Variants in ASIC2 observed in about 807,000 individuals in gnomAD.
The protein encoded by ASIC2 is acid-sensing ion channel 2.
ASIC2 carries 25 observed loss-of-function variants against 57.3 expected under a neutral mutation model. The ratio of observed to expected loss-of-function variants is 0.44; its 90% CI spans 0.32 to 0.61. ASIC2 has a LOEUF of 0.61. Ranked by LOEUF, ASIC2 falls within the 20% of genes least tolerant of loss-of-function variation. The pLI, the probability that ASIC2 is intolerant of heterozygous loss-of-function variation, is 0.06. For missense variants in ASIC2, 641 were observed against 738.1 expected (o/e 0.87, Z 1.52); for synonymous variants, 319 against 307.5 (o/e 1.04, Z -0.39).
intron 1 of ASIC2, among the ~76,000 whole-genome samples, chr17:33,321,960 C>T (rs1906889287): frequency 6.6e-6 from 1 of 152,196 alleles, no homozygotes; most frequent in African/African-American, 2.4e-5. Flanking sequence ...AACATCCAGT[C>T]TCAGTCTACC....
intron 1 of ASIC2, among the ~76,000 whole-genome samples, chr17:33,148,086 T>C (rs11650874): frequency 0.67 from 101,378 of 152,088 alleles, 34,783 homozygotes; most frequent in African/African-American, 0.83. Flanking sequence ...ATCCCTAAAA[T>C]GTAAAGTAAT....
chr17:33,140,759 T>TC (rs938202564), intron 1 of ASIC2, among the ~76,000 whole-genome samples: 29 of 152,348 alleles, frequency 1.9e-4, no homozygotes, highest in African/African-American at 6.7e-4. Context: ...GACCCACGGC[T>TC]CCCTGTGCAG....
intron 1 of ASIC2, among the ~76,000 whole-genome samples, chr17:34,112,310 A>G (rs1356908177): frequency 6.6e-6 from 1 of 152,194 alleles, no homozygotes; most frequent in Non-Finnish European, 1.5e-5. Context: ...AGTACCAACA[A>G]ATACTGAACT....
chr17:34,000,140 C>G (rs564980191), intron 1 of ASIC2, among the ~76,000 whole-genome samples: 1 of 151,472 alleles, frequency 6.6e-6, no homozygotes, highest in Non-Finnish European at 1.5e-5. Context: ...AATTGATACA[C>G]TTCTGGAGGT....
intron 1 of ASIC2, among the ~76,000 whole-genome samples, chr17:33,733,812 G>A (rs144918874): frequency 0.012 from 1,770 of 152,124 alleles, 17 homozygotes; most frequent in Non-Finnish European, 0.019. Flanking sequence ...GCTAAATCCC[G>A]ACCTGGCTAG....
At chr17:33,520,254 C>A (rs1914700119) in intron 1 of ASIC2, among the ~76,000 whole-genome samples, 1 of 152,124 alleles carries the variant, frequency 6.6e-6, no homozygotes, top group Non-Finnish European at 1.5e-5. Context: ...ACTGTCCAGG[C>A]AGAAAGGAAT....
chr17:33,196,904 T>C (rs1906652608), intron 1 of ASIC2, among the ~76,000 whole-genome samples: 1 of 152,338 alleles, frequency 6.6e-6, no homozygotes, highest in African/African-American at 2.4e-5. Context: ...GAATACATAC[T>C]GTAAATACCA....
At position 33,969,775 on chromosome 17, in the gene ASIC2, T is replaced by C. The variant is rs142609039; in HGVS notation, c.555+186203A>G. Among the ~76,000 whole-genome samples, 217 of 152,230 alleles carry C rather than the reference T, an allele frequency of 1.4e-3. 2 individuals carry two copies. The highest frequency in any genetic ancestry group is 5.0e-3 in the African/African-American group (207 of 41,532). On this transcript the variant is annotated intron_variant, in intron 1 of 9. Transcript: ENST00000359872. ...CTGCTTGTGGGCTGAGAAAAAGCCC[T>C]GGGGCAGAGAAGTGGAGAGTCCCAG... is the stretch of plus-strand genomic sequence containing the variant.
intron 3 of ASIC2, among the ~76,000 whole-genome samples, chr17:33,067,089 C>G (rs1359406905): frequency 6.6e-6 from 1 of 152,174 alleles, no homozygotes; most frequent in Non-Finnish European, 1.5e-5. Flanking sequence ...CTTTGGCGAG[C>G]ATGGCTCTCC....
At position 33,517,883 on chromosome 17, in the gene ASIC2, C is replaced by T. The variant is rs575099980; in HGVS notation, c.556-405816G>A. Among the ~76,000 whole-genome samples, 5 of 152,268 alleles carry T rather than the reference C, an allele frequency of 3.3e-5. No individual in the cohort carries two copies. The South Asian group carries it at 1.0e-3, about 32-fold the overall frequency. On this transcript the variant is annotated intron_variant, in intron 1 of 9. Coordinates refer to the ASIC2 transcript ENST00000359872. ...AAAATAAAATACATAATAATCACTT[C>T]CTTCATAGGTCGCCTAGACCAAGCC...
In ASIC2 at chr17:34,099,102, AAGAGAGAGAG is replaced by A. The variant is rs74200841; in HGVS notation, c.555+56866_555+56875del. Reference sequence around the variant, plus strand: ...GAGCAGCAGCTACATTAAGAGAGAAAAGAGAGAGAGAGAGAGAGAGAGAGAGAGAGAGAGA... The same window carrying A: ...GAGCAGCAGCTACATTAAGAGAGAAAAGAGAGAGAGAGAGAGAGAGAGAGA... On this transcript the variant is annotated intron_variant, in intron 1 of 9. Coordinates refer to the ASIC2 transcript ENST00000359872. Among the ~76,000 whole-genome samples, 187 of 81,262 alleles carry A rather than the reference AAGAGAGAGAG, an allele frequency of 2.3e-3. 4 individuals carry two copies. Among genetic ancestry groups the A allele is most frequent in the Non-Finnish European group, 3.3e-3 (154 of 46,856 alleles). The allele number at this position is 81,262 out of a possible 152,430, so 53.3% of individuals were successfully genotyped here. A position where few individuals can be genotyped will look rare whatever the true frequency, so the allele number is the denominator to read the frequency against.
At chr17:33,883,508 C>G (rs945348252) in intron 1 of ASIC2, among the ~76,000 whole-genome samples, 5 of 152,214 alleles carry the variant, frequency 3.3e-5, no homozygotes, top group South Asian at 2.1e-4. Context: ...TTCCCCCTTT[C>G]CACAGGCTGC....
At chr17:33,103,577 GA>G (rs1421731365) in intron 2 of ASIC2, among the ~76,000 whole-genome samples, 3 of 152,130 alleles carry the variant, frequency 2.0e-5, no homozygotes, top group Admixed American at 6.5e-5. Flanking sequence ...TCCTTGTGTT[GA>G]GGGGGCACTC....
chr17:33,915,545 A>G (rs1208236536), intron 1 of ASIC2, among the ~76,000 whole-genome samples: 1 of 152,168 alleles, frequency 6.6e-6, no homozygotes, highest in Non-Finnish European at 1.5e-5. Context: ...CTCAAGCTAC[A>G]GCCCGTTTTT....
chr17:33,323,204 C>T lies in ASIC2; in HGVS notation c.556-211137G>A, dbSNP rs1178315096. ...GGTATATATTCAACGGAAGTGGATG[C>T]ATATGTTCACCGAAAGCCTTGTACA... On this transcript the variant is annotated intron_variant, in intron 1 of 9. Coordinates refer to the ASIC2 transcript ENST00000359872. Among the ~76,000 whole-genome samples the T allele has an allele frequency of 2.6e-5, 4 of 152,292 alleles. No homozygotes were observed. In the East Asian group the frequency reaches 7.7e-4, roughly 29 times the overall value.
chr17:33,078,202 G>C (rs1319640675), intron 3 of ASIC2, among the ~76,000 whole-genome samples: 1 of 152,100 alleles, frequency 6.6e-6, no homozygotes, highest in Non-Finnish European at 1.5e-5. Context: ...GCCACCGAGA[G>C]ATAAGCAGCC....
chr17:33,799,403 T>C lies in ASIC2; in HGVS notation c.555+356575A>G, dbSNP rs1484319995. Among the ~76,000 whole-genome samples, 210 of 51,268 alleles carry C rather than the reference T, an allele frequency of 4.1e-3. 4 individuals are homozygous for C. The highest frequency in any genetic ancestry group is 0.011 in the African/African-American group (177 of 15,488). The allele number at this position is 51,268 out of a possible 152,430, so 33.6% of individuals were successfully genotyped here. ...CTTTCTTTCTTTCTTTCTTTCTTTC[T>C]TTTCTTTCTTTCTTTCTTTCTTTCT... On this transcript the variant is annotated intron_variant, in intron 1 of 9. Coordinates refer to the ASIC2 transcript ENST00000359872.
chr17:33,635,762 T>C (rs546273808), intron 1 of ASIC2, among the ~76,000 whole-genome samples: 11 of 152,308 alleles, frequency 7.2e-5, no homozygotes, highest in African/African-American at 2.6e-4. Flanking sequence ...ACAGAGGAAC[T>C]GGAAGCTTAT....
chr17:33,136,766 T>G (rs2092368653), intron 1 of ASIC2, among the ~76,000 whole-genome samples: 1 of 152,240 alleles, frequency 6.6e-6, no homozygotes, highest in Non-Finnish European at 1.5e-5. Flanking sequence ...CTCAGGAGGC[T>G]AGGGCTGACC....
Sources: allele counts gnomAD v4.1 joint callset (sites outside exome capture counted in the v4.1 genomes callset), GRCh38; gene constraint gnomAD v4.1.1; transcripts MANE v1.5; gene names NCBI Gene and HGNC (gene_info 2026-07-23, HGNC 2026-07-21).